KLHL18: variants seen among roughly 807,000 people sequenced by gnomAD.
KLHL18 encodes kelch-like protein 18.
In KLHL18, 38 loss-of-function variants were observed where a neutral mutation model predicts 58.5. The observed-to-expected ratio is 0.65, with a 90% CI of 0.50 to 0.85. KLHL18 has a LOEUF of 0.85. Among genes scored for constraint, KLHL18 ranks in the 40% least tolerant of loss-of-function variants. KLHL18 has a pLI of 0.00. For synonymous variants in KLHL18, 303 were observed against 301.9 expected (o/e 1.00, Z -0.04); for missense variants, 624 against 778.4 (o/e 0.80, Z 2.36).
intron 1 of KLHL18, among the ~76,000 whole-genome samples, chr3:47,302,290 T>G (rs1428725327): frequency 6.6e-6 from 1 of 152,082 alleles, no homozygotes; most frequent in Non-Finnish European, 1.5e-5. Context: ...ATCAAGACCA[T>G]TCTGGCCAAC....
chr3:47,329,870 T>C, intron 3 of KLHL18, 81 bp from the exon 4 acceptor site: 1 of 1,225,476 alleles, frequency 8.2e-7, no homozygotes, highest in Non-Finnish European at 1.2e-6. Flanking sequence ...ATTCTGTGGC[T>C]CTACCCAGAA....
chr3:47,327,281 G>C (rs1481548044), intron 3 of KLHL18, among the ~76,000 whole-genome samples: 1 of 152,182 alleles, frequency 6.6e-6, no homozygotes, highest in Admixed American at 6.5e-5. Context: ...TTTGTGCTCA[G>C]TATTATGCCA....
At chr3:47,319,550 G>A in intron 1 of KLHL18, 103 bp from the exon 2 acceptor site, 4 of 1,283,322 alleles carry the variant, frequency 3.1e-6, no homozygotes, top group Non-Finnish European at 4.4e-6. Context: ...GGGCAGTGGG[G>A]TATGCTGTGG....
At chr3:47,288,037 A>G (rs907685361) in intron 1 of KLHL18, among the ~76,000 whole-genome samples, 1 of 152,028 alleles carries the variant, frequency 6.6e-6, no homozygotes, top group African/African-American at 2.4e-5. Context: ...CCATGCCAAC[A>G]TGGTGAAACC....
rs1000763257 is a variant in KLHL18, at chr3:47,344,327, A to C, written c.*386A>C. ...GCTTGCTCTCCAGCCGAGTCTGGCC[A>C]ATTTGCCATGGGGAGGCTGCAGTGT... On this transcript the variant is annotated 3_prime_UTR_variant, in exon 10 of 10. Coordinates refer to ENST00000232766, the MANE Select transcript of KLHL18 (RefSeq NM_025010.5). 6 of 271,930 alleles carry C rather than the reference A, an allele frequency of 2.2e-5. No individual in the cohort carries two copies. Among genetic ancestry groups the C allele is most frequent in the Admixed American group, 1.0e-4 (2 of 19,096 alleles). The allele number at this position is 271,930 out of a possible 1,614,324, so 16.8% of individuals were successfully genotyped here.
At chr3:47,290,144 G>A (rs1466783676) in intron 1 of KLHL18, among the ~76,000 whole-genome samples, 1 of 152,216 alleles carries the variant, frequency 6.6e-6, no homozygotes. Context: ...TGGAAGCCAT[G>A]CTTTTACATC....
chr3:47,296,749 A>G (rs749106097), intron 1 of KLHL18, among the ~76,000 whole-genome samples: 2 of 152,182 alleles, frequency 1.3e-5, no homozygotes, highest in Non-Finnish European at 2.9e-5. Flanking sequence ...TCAGAGGCCC[A>G]GGCATGAAAG....
intron 1 of KLHL18, among the ~76,000 whole-genome samples, chr3:47,289,895 G>A (rs1337176595): frequency 6.6e-6 from 1 of 152,156 alleles, no homozygotes; most frequent in Non-Finnish European, 1.5e-5. Context: ...TGAGGGATGA[G>A]AAATTACTGG....
intron 1 of KLHL18, among the ~76,000 whole-genome samples, chr3:47,312,947 T>G (rs1703337246): frequency 6.8e-6 from 1 of 148,044 alleles, no homozygotes; most frequent in Non-Finnish European, 1.5e-5. Context: ...TCTCGCTCTG[T>G]CGCCCAGGCT....
rs1269157019 is a variant in KLHL18 at position 47,334,517 on chromosome 3, A to G, written c.762-166A>G. Among the ~76,000 whole-genome samples, 1 of 152,072 alleles carries G rather than the reference A, an allele frequency of 6.6e-6. No individual in the cohort carries two copies. Among genetic ancestry groups the G allele is most frequent in the Non-Finnish European group, 1.5e-5 (1 of 68,006 alleles). ...TTTGAGTATATCTCAGTAGCCATGT[A>G]TGATTTTCCCAGAACTCACCTGGTT... is the stretch of plus-strand genomic sequence containing the variant. On this transcript the variant is annotated intron_variant, in intron 5 of 9. Coordinates refer to ENST00000232766, the MANE Select transcript of KLHL18 (RefSeq NM_025010.5). The surrounding 1 kb of genome is among the most constrained non-coding windows in gnomAD (Gnocchi z 4.7).
chr3:47,341,944 G>A (rs536999884), intron 8 of KLHL18, among the ~76,000 whole-genome samples: 1 of 151,226 alleles, frequency 6.6e-6, no homozygotes, highest in East Asian at 1.9e-4. Context: ...ACATTAGCCA[G>A]GCATGGTGGC....
chr3:47,294,083 A>C (rs1489158305), intron 1 of KLHL18, among the ~76,000 whole-genome samples: 1 of 152,176 alleles, frequency 6.6e-6, no homozygotes, highest in Non-Finnish European at 1.5e-5. Context: ...CTTTAACTTT[A>C]CTAGCATGTT....
At chr3:47,312,410 T>TA (rs1464567320) in intron 1 of KLHL18, among the ~76,000 whole-genome samples, 3 of 152,340 alleles carry the variant, frequency 2.0e-5, no homozygotes, top group African/African-American at 7.2e-5. Flanking sequence ...AAAATGTGAC[T>TA]AAAGGTAGAG....
chr3:47,314,312 T>C (rs1461178934), intron 1 of KLHL18, among the ~76,000 whole-genome samples: 1 of 152,152 alleles, frequency 6.6e-6, no homozygotes, highest in Admixed American at 6.5e-5. Context: ...AAATGAGACA[T>C]GTAAAAACTG....
chr3:47,298,233 G>A (rs11714294), intron 1 of KLHL18, among the ~76,000 whole-genome samples: 57,075 of 151,266 alleles, frequency 0.38, 11,046 homozygotes, highest in Middle Eastern at 0.5. Context: ...TAAAAAAATT[G>A]GCCAGGTACC....
chr3:47,327,389 C>T (rs1703751205), intron 3 of KLHL18, among the ~76,000 whole-genome samples: 1 of 152,218 alleles, frequency 6.6e-6, no homozygotes, highest in South Asian at 2.1e-4. Context: ...CATTGGCTCC[C>T]ATATCCTTGG....
intron 3 of KLHL18, among the ~76,000 whole-genome samples, chr3:47,326,990 G>A: frequency 6.6e-6 from 1 of 151,422 alleles, no homozygotes. Context: ...TGTTATCCTG[G>A]CACTTTTGGA....
At chr3:47,301,517 G>A (rs1703025294) in intron 1 of KLHL18, among the ~76,000 whole-genome samples, 1 of 152,074 alleles carries the variant, frequency 6.6e-6, no homozygotes, top group Non-Finnish European at 1.5e-5. Flanking sequence ...ACCTTTGTCA[G>A]TAAGCAGCTA....
chr3:47,319,523 T>A, intron 1 of KLHL18, 130 bp from the exon 2 acceptor site: 1 of 954,096 alleles, frequency 1.0e-6, no homozygotes, highest in Non-Finnish European at 1.6e-6. Context: ...CTGGGATGCC[T>A]TCACCGCCTT....
Sources: allele counts gnomAD v4.1 joint callset (sites outside exome capture counted in the v4.1 genomes callset), GRCh38; gene constraint gnomAD v4.1.1; non-coding constraint Gnocchi (gnomAD v3.1); transcripts MANE v1.5; gene names NCBI Gene and HGNC (gene_info 2026-07-23, HGNC 2026-07-21).